NCK2: variants seen among roughly 807,000 people sequenced by gnomAD.
The protein encoded by NCK2 is cytoplasmic protein NCK2.
A neutral mutation model predicts 33.9 loss-of-function variants in NCK2; 16 were observed. That is an observed-to-expected ratio of 0.47 (90% CI 0.32 to 0.72). The LOEUF (loss-of-function observed/expected upper bound fraction) is 0.72. NCK2 is among the 30% of genes least tolerant of loss of function. The pLI, the probability that NCK2 is intolerant of heterozygous loss-of-function variation, is 0.03. For missense variants in NCK2, 418 were observed against 537.3 expected (o/e 0.78, Z 2.19); for synonymous variants, 273 against 239.9 (o/e 1.14, Z -1.27).
chr2:105,870,034 G>A (rs1677934592), intron 3 of NCK2, among the ~76,000 whole-genome samples: 1 of 152,132 alleles, frequency 6.6e-6, no homozygotes. Context: ...GGACCCATGT[G>A]GTGGTCGGGA....
At chr2:105,772,462 T>G (rs898803142) in intron 1 of NCK2, among the ~76,000 whole-genome samples, 2 of 152,056 alleles carry the variant, frequency 1.3e-5, no homozygotes, top group Admixed American at 6.6e-5. Context: ...TGTCCTGCCT[T>G]TTAGATAGCT....
intron 1 of NCK2, among the ~76,000 whole-genome samples, chr2:105,794,022 A>T (rs1690985802): frequency 6.7e-6 from 1 of 149,462 alleles, no homozygotes; most frequent in Admixed American, 6.7e-5. Context: ...CAAAATTAGG[A>T]TTCTAAAATA....
intron 1 of NCK2, among the ~76,000 whole-genome samples, chr2:105,803,801 G>A (rs1413219275): frequency 6.6e-6 from 1 of 152,176 alleles, no homozygotes; most frequent in Non-Finnish European, 1.5e-5. Flanking sequence ...CCACCTAGAA[G>A]CTTTTATAAA....
intron 1 of NCK2, among the ~76,000 whole-genome samples, chr2:105,784,966 T>G (rs1470816874): frequency 1.3e-5 from 2 of 152,068 alleles, no homozygotes; most frequent in Non-Finnish European, 2.9e-5. Flanking sequence ...TGTTTTTTCG[T>G]TTTTGTTTTG....
chr2:105,839,594 A>G (rs1676558741), intron 2 of NCK2, among the ~76,000 whole-genome samples: 1 of 152,104 alleles, frequency 6.6e-6, no homozygotes, highest in African/African-American at 2.4e-5. Flanking sequence ...TGTTTATTTG[A>G]TTGGTTTCCT....
chr2:105,780,808 G>A (rs145523444), intron 1 of NCK2, among the ~76,000 whole-genome samples: 209 of 152,326 alleles, frequency 1.4e-3, no homozygotes, highest in African/African-American at 4.7e-3. Flanking sequence ...GCAAGAAGCC[G>A]CCGTGTAGGA....
chr2:105,859,264 G>C (rs1009498988), intron 3 of NCK2, among the ~76,000 whole-genome samples: 1 of 152,084 alleles, frequency 6.6e-6, no homozygotes, highest in Non-Finnish European at 1.5e-5. Flanking sequence ...TTCTCTTTTC[G>C]GTGGTTAACA....
intron 1 of NCK2, among the ~76,000 whole-genome samples, chr2:105,802,452 C>A (rs1674876476): frequency 6.6e-6 from 1 of 152,148 alleles, no homozygotes; most frequent in African/African-American, 2.4e-5. Context: ...CACGGTTCTG[C>A]AGGAGGTACA....
intron 3 of NCK2, among the ~76,000 whole-genome samples, chr2:105,869,223 C>T (rs1229140874): frequency 1.3e-5 from 2 of 152,082 alleles, no homozygotes; most frequent in Admixed American, 6.5e-5. Flanking sequence ...GATAGAGGTG[C>T]GTGCATACCT....
At chr2:105,768,961 G>GAAGT (rs1690036914) in intron 1 of NCK2, among the ~76,000 whole-genome samples, 1 of 152,112 alleles carries the variant, frequency 6.6e-6, no homozygotes, top group Non-Finnish European at 1.5e-5. Context: ...CAGTCTCCTG[G>GAAGT]CCCCCCACCC....
chr2:105,807,064 A>G (rs983008043), intron 1 of NCK2, among the ~76,000 whole-genome samples: 7 of 152,198 alleles, frequency 4.6e-5, no homozygotes, highest in Non-Finnish European at 7.3e-5. Flanking sequence ...GTAATGTGGA[A>G]TGAAGGTAGA....
intron 1 of NCK2, among the ~76,000 whole-genome samples, chr2:105,764,708 CT>C (rs1689880218): frequency 6.6e-6 from 1 of 152,212 alleles, no homozygotes; most frequent in Non-Finnish European, 1.5e-5. Context: ...TATACTGACT[CT>C]TAAGCATAGT....
chr2:105,830,717 T>TGTGTGTGTGTGTGTG (rs1352679713), intron 2 of NCK2, among the ~76,000 whole-genome samples: 85 of 97,750 alleles, frequency 8.7e-4, no homozygotes, highest in Middle Eastern at 5.3e-3. Flanking sequence ...GTGTGTGTGT[T>TGTGTGTGTGTGTGTG]TGGTCTGATA....
chr2:105,838,093 A>G (rs557806754), intron 2 of NCK2, among the ~76,000 whole-genome samples: 23 of 143,592 alleles, frequency 1.6e-4, no homozygotes, highest in African/African-American at 4.6e-4. Context: ...CTGTTTAACT[A>G]GAACAGTCCT....
chr2:105,865,753 T>C (rs1017259129), intron 3 of NCK2, among the ~76,000 whole-genome samples: 1 of 152,210 alleles, frequency 6.6e-6, no homozygotes, highest in Admixed American at 6.5e-5. Flanking sequence ...CATGTGCCGC[T>C]GCCGCATGAG....
intron 1 of NCK2, among the ~76,000 whole-genome samples, chr2:105,798,550 T>G (rs1479368009): frequency 6.6e-6 from 1 of 152,218 alleles, no homozygotes; most frequent in Non-Finnish European, 1.5e-5. Flanking sequence ...CATATCTGAT[T>G]CATATAATCA....
At chr2:105,786,657 G>C (rs1302868168) in intron 1 of NCK2, among the ~76,000 whole-genome samples, 8 of 152,204 alleles carry the variant, frequency 5.3e-5, no homozygotes, top group Non-Finnish European at 1.2e-4. Flanking sequence ...TCCCTGTGGT[G>C]GCTGTGGCCT....
At chr2:105,770,176 T>G (rs1215260527) in intron 1 of NCK2, among the ~76,000 whole-genome samples, 1 of 150,520 alleles carries the variant, frequency 6.6e-6, no homozygotes, top group Admixed American at 6.6e-5. Flanking sequence ...AAAAGGATGG[T>G]GCTGTGGACA....
At chr2:105,759,408 A>G (rs1373587041) in intron 1 of NCK2, among the ~76,000 whole-genome samples, 1 of 152,234 alleles carries the variant, frequency 6.6e-6, no homozygotes, top group Non-Finnish European at 1.5e-5. Flanking sequence ...TAACGTTTCC[A>G]AAGTGTAATT....
Sources: allele counts gnomAD v4.1 joint callset (sites outside exome capture counted in the v4.1 genomes callset), GRCh38; gene constraint gnomAD v4.1.1; transcripts MANE v1.5; gene names NCBI Gene and HGNC (gene_info 2026-07-23, HGNC 2026-07-21).